Variants in SLIT1 observed in about 807,000 individuals in gnomAD.
SLIT1 encodes slit homolog 1 protein.
SLIT1 carries 66 observed loss-of-function variants against 186.1 expected under a neutral mutation model. That is an observed-to-expected ratio of 0.35 (90% CI 0.29 to 0.44). The LOEUF is 0.44. Among genes scored for constraint, SLIT1 ranks in the 20% least tolerant of loss-of-function variants. SLIT1 has a pLI of 1.00. For missense variants in SLIT1, 1,638 were observed against 2,037.4 expected (o/e 0.80, Z 3.77); for synonymous variants, 761 against 833.8 (o/e 0.91, Z 1.50).
At chr10:97,165,749 G>A (rs2134729480) in intron 1 of SLIT1, among the ~76,000 whole-genome samples, 1 of 152,256 alleles carries the variant, frequency 6.6e-6, no homozygotes, top group Non-Finnish European at 1.5e-5. Flanking sequence ...GAGCAGGAGG[G>A]CAGTCCAGGA....
intron 4 of SLIT1, among the ~76,000 whole-genome samples, chr10:97,127,645 C>A (rs147786513): frequency 2.6e-5 from 4 of 152,156 alleles, no homozygotes; most frequent in African/African-American, 4.8e-5. Flanking sequence ...TTCCACTCTA[C>A]GAAGAAACAC....
intron 17 of SLIT1, 82 bp from the exon 18 acceptor site, chr10:97,046,879 C>T: frequency 6.3e-7 from 1 of 1,582,406 alleles, no homozygotes; most frequent in Non-Finnish European, 8.6e-7. Flanking sequence ...GCAACACCCC[C>T]ACACACAGAG....
chr10:97,059,265 C>T (rs1320081829), intron 11 of SLIT1, among the ~76,000 whole-genome samples, 195 bp downstream of exon 11: 7 of 152,256 alleles, frequency 4.6e-5, no homozygotes, highest in Non-Finnish European at 1.0e-4. Context: ...GAGGGTCCAC[C>T]AGTGAGGAAG....
In SLIT1 at chr10:97,019,098, G is replaced by A. The variant is rs770623464; in HGVS notation, c.2756C>T (p.Thr919Met). ...ATCACACTTGGCCTGGACAGCCAGC[G>A]TTGGAGGACCTGCAGCAAGGGGAGG... ...AKKFECQGPPTLAVQAKCDLC... is the reference protein window; with the variant it reads ...AKKFECQGPPMLAVQAKCDLC... Residue 919 changes from threonine to methionine, a missense_variant, in exon 27 of 37, where the codon ACG becomes ATG. Around this residue, in one of 3 missense-constraint regions of SLIT1, gnomAD observed 1,245 missense variants for 1,535.3 expected, o/e 0.81. Transcript: ENST00000266058. 1.3e-5 allele frequency: 21 copies of A among 1,607,960 alleles called. No individual in the cohort carries two copies. The highest frequency in any genetic ancestry group is 5.3e-5 in the African/African-American group (4 of 74,816).
chr10:97,052,139 A>C (rs1589375718), intron 13 of SLIT1, among the ~76,000 whole-genome samples: 1 of 139,078 alleles, frequency 7.2e-6, no homozygotes, highest in Non-Finnish European at 1.5e-5. Context: ...TCAGGCTGTC[A>C]CCCAGCCTGT....
At chr10:97,097,053 C>A (rs891856445) in intron 4 of SLIT1, among the ~76,000 whole-genome samples, 1 of 152,162 alleles carries the variant, frequency 6.6e-6, no homozygotes, top group Non-Finnish European at 1.5e-5. Context: ...GAGTGCACAG[C>A]GCCTGGCACC....
chr10:97,038,985 G>A (rs1848666539), intron 21 of SLIT1, among the ~76,000 whole-genome samples: 1 of 152,218 alleles, frequency 6.6e-6, no homozygotes, highest in Admixed American at 6.5e-5. Context: ...AGGCTCCAAG[G>A]AGAAAGCAAG....
At chr10:97,117,159 C>T (rs1849516681) in intron 4 of SLIT1, among the ~76,000 whole-genome samples, 1 of 152,076 alleles carries the variant, frequency 6.6e-6, no homozygotes, top group African/African-American at 2.4e-5. Context: ...CGAGCAGAGA[C>T]TTAGAAAAAC....
chr10:97,113,043 G>C (rs1383159235), intron 4 of SLIT1, among the ~76,000 whole-genome samples: 2 of 152,128 alleles, frequency 1.3e-5, no homozygotes, highest in African/African-American at 4.8e-5. Context: ...CTTGAAATCA[G>C]AGGAATTTAG....
chr10:97,121,833 G>A (rs573225710), intron 4 of SLIT1, among the ~76,000 whole-genome samples: 2 of 152,268 alleles, frequency 1.3e-5, no homozygotes, highest in African/African-American at 4.8e-5. Flanking sequence ...CCACATTCTT[G>A]ACAGGATGGA....
intron 3 of SLIT1, among the ~76,000 whole-genome samples, chr10:97,162,471 G>A (rs1246743207): frequency 6.6e-6 from 1 of 152,132 alleles, no homozygotes; most frequent in East Asian, 1.9e-4. Context: ...CAATTAGCCA[G>A]GCGTGGTGGC....
At chr10:97,085,483 GT>G (rs1432339556) in intron 4 of SLIT1, among the ~76,000 whole-genome samples, 3 of 151,832 alleles carry the variant, frequency 2.0e-5, no homozygotes, top group Admixed American at 6.6e-5. Flanking sequence ...TGCCCCCCAG[GT>G]TCAAGTGATT....
intron 10 of SLIT1, 39 bp downstream of exon 10, chr10:97,060,048 C>G (rs1385915762): frequency 1.3e-5 from 20 of 1,545,506 alleles, no homozygotes; most frequent in Non-Finnish European, 1.8e-5. Context: ...CTCCGTCAGC[C>G]CTGTACCAGC....
At chr10:97,163,655 A>G (rs1002638442) in intron 2 of SLIT1, among the ~76,000 whole-genome samples, 1 of 152,186 alleles carries the variant, frequency 6.6e-6, no homozygotes, top group African/African-American at 2.4e-5. Context: ...ATTTCCCACC[A>G]TGGGCTCCTC....
intron 31 of SLIT1, among the ~76,000 whole-genome samples, chr10:97,009,481 C>T (rs913603157): frequency 6.6e-6 from 1 of 152,116 alleles, no homozygotes; most frequent in African/African-American, 2.4e-5. Flanking sequence ...TAAAAATTAA[C>T]TCAAAATGGA....
chr10:97,075,369 C>T (rs1849036374), intron 4 of SLIT1, among the ~76,000 whole-genome samples: 1 of 152,200 alleles, frequency 6.6e-6, no homozygotes, highest in South Asian at 2.1e-4. Flanking sequence ...GAGTTGGCTG[C>T]CATTGCCCAC....
At chr10:97,096,836 T>C (rs1224607003) in intron 4 of SLIT1, among the ~76,000 whole-genome samples, 5 of 152,204 alleles carry the variant, frequency 3.3e-5, no homozygotes, top group Admixed American at 2.0e-4. Flanking sequence ...AAAAGACTCA[T>C]AGAGGCAGAA....
intron 28 of SLIT1, 67 bp from the exon 29 acceptor site, chr10:97,014,225 G>C: frequency 3.9e-6 from 6 of 1,550,344 alleles, no homozygotes; most frequent in Non-Finnish European, 5.3e-6. Flanking sequence ...TGTGGCTGCC[G>C]GTTAATATCA....
At chr10:97,121,969 A>G (rs938007297) in intron 4 of SLIT1, among the ~76,000 whole-genome samples, 3 of 152,248 alleles carry the variant, frequency 2.0e-5, no homozygotes, top group Non-Finnish European at 4.4e-5. Flanking sequence ...TAACACAGGA[A>G]TTAACAAACA....
Sources: gnomAD v4.1 joint callset for allele counts (sites outside exome capture counted in the v4.1 genomes callset) on GRCh38, gnomAD v4.1.1 for gene constraint, gnomAD v4.1.1 regional missense constraint, MANE v1.5 for transcripts, NCBI Gene and HGNC (gene_info 2026-07-23, HGNC 2026-07-21) for gene names.